Variants in SNCG observed in about 807,000 individuals in gnomAD.
SNCG encodes the protein synuclein gamma, also known as gamma-synuclein.
SNCG carries 13 observed loss-of-function variants against 16.0 expected under a neutral mutation model. The observed-to-expected ratio is 0.81, with a 90% CI of 0.53 to 1.29. SNCG has a LOEUF of 1.29. SNCG is among the 50% of genes most tolerant of loss of function. SNCG has a pLI of 0.00. For synonymous variants in SNCG, 66 were observed against 66.3 expected (o/e 1.00, Z 0.02); for missense variants, 154 against 168.5 (o/e 0.91, Z 0.48).
At chr10:86,956,057 G>A (rs981611721), upstream of SNCG, among the ~76,000 whole-genome samples, 1 of 152,042 alleles carries the variant, frequency 6.6e-6, no homozygotes, top group Non-Finnish European at 1.5e-5. Flanking sequence ...TTCATCAAAA[G>A]GCGGAAGGTG....
chr10:86,959,225 TG>T lies in SNCG; in HGVS notation c.122-403del. On this transcript the variant is annotated intron_variant, in intron 1 of 4. Transcript: ENST00000372017. The surrounding 1 kb of genome is among the most constrained non-coding windows in gnomAD (Gnocchi z 4.3). ...CCCTCCCCAGAGAGAAGGGGCAGGC[TG>T]GGGGATGAAACCTAGGCTCAGTGTT... 2.9e-6 allele frequency: 1 copy of T among 347,354 alleles called. No homozygotes were observed. Among genetic ancestry groups the T allele is most frequent in the Non-Finnish European group, 5.2e-6 (1 of 190,578 alleles). 21.5% of individuals were successfully genotyped at this position (347,354 alleles called of 1,614,324 possible).
At chr10:86,956,282 C>G (rs1030780276), upstream of SNCG, among the ~76,000 whole-genome samples, 1 of 152,130 alleles carries the variant, frequency 6.6e-6, no homozygotes. Flanking sequence ...TGCCACCAGA[C>G]CCTCACTAAG....
In SNCG at chr10:86,962,610, T is replaced by C. The variant is rs935000032; in HGVS notation, c.298T>C (p.Leu100=). 9.9e-6 allele frequency: 16 copies of C among 1,611,802 alleles called. No individual in the cohort carries two copies. In the Admixed American group the frequency reaches 2.0e-4, roughly 20 times the overall value. The change falls in exon 4 of 5, where the codon TTG becomes CTG. Residue 100 remains leucine (L), a synonymous_variant. Coordinates refer to ENST00000372017, the MANE Select transcript of SNCG (RefSeq NM_003087.3). ...VTSGVVRKED[L]RPSAPQQEGE... The stretch of plus-strand genomic sequence containing the variant: ...CCCCTTTTGTCCCCTACAGGAGGAC[T>C]TGAGGCCATCTGCCCCCCAACAGGA...
At chr10:86,957,404 CT>C (rs756311269), upstream of SNCG, 3 of 1,613,584 alleles carry the variant, frequency 1.9e-6, no homozygotes, top group Admixed American at 3.3e-5. Flanking sequence ...TGCCGGTGTC[CT>C]CAGCCTCTGC....
chr10:86,960,158 C>T, intron 3 of SNCG, 30 bp downstream of exon 3: 1 of 1,593,450 alleles, frequency 6.3e-7, no homozygotes, highest in Admixed American at 1.7e-5. Flanking sequence ...CCTGCCCAGT[C>T]CTCTCCTGGG....
intron 3 of SNCG, among the ~76,000 whole-genome samples, chr10:86,960,737 G>T (rs368121278): frequency 6.6e-6 from 1 of 152,254 alleles, no homozygotes; most frequent in Non-Finnish European, 1.5e-5. Context: ...GTACACATGC[G>T]TGTGCGGCCC....
rs142957751 is a variant in SNCG at position 86,960,001 on chromosome 10, T to C, written c.164T>C (p.Val55Ala). The C allele has an allele frequency of 1.4e-3, 2,166 of 1,594,126 alleles. 4 individuals carry two copies. Among genetic ancestry groups the C allele is most frequent in the Non-Finnish European group, 1.7e-3 (2,034 of 1,171,244 alleles). Residue 55 changes from valine to alanine, a missense_variant and splice_region_variant, in exon 3 of 5, where the codon GTG (valine) becomes GCG (alanine). Physicochemically the swap from Val to Ala is moderately conservative, Grantham distance 64. Coordinates refer to ENST00000372017, the MANE Select transcript of SNCG (RefSeq NM_003087.3). ...GAGGCCAGCCAGTGTCCTCCCATAG[T>C]GGCCGAGAAGACCAAGGAGCAGGCC... ...KENVVQSVTSVAEKTKEQANA... is the reference protein window; with the variant it reads ...KENVVQSVTSAAEKTKEQANA...
upstream of SNCG, chr10:86,957,968 C>T (rs925617405): frequency 3.9e-6 from 4 of 1,023,966 alleles, no homozygotes; most frequent in African/African-American, 5.2e-5. Context: ...ATTCATGCCT[C>T]CTCAGCACCT....
chr10:86,960,676 T>C (rs184823543), intron 3 of SNCG, among the ~76,000 whole-genome samples: 3 of 152,226 alleles, frequency 2.0e-5, no homozygotes, highest in African/African-American at 7.2e-5. Flanking sequence ...GTGTGTTGAG[T>C]GAGCATGTGG....
intron 3 of SNCG, among the ~76,000 whole-genome samples, chr10:86,960,547 G>GCCT (rs1297299145): frequency 2.6e-5 from 4 of 152,112 alleles, no homozygotes; most frequent in African/African-American, 9.7e-5. Flanking sequence ...TCCCTCCCTG[G>GCCT]GCTGGGCGGG....
rs1291440010 is a variant in SNCG, at chr10:86,958,674, G to A, written c.-24G>A. 9 of 1,613,574 alleles carry A rather than the reference G, an allele frequency of 5.6e-6. No individual in the cohort carries two copies. Among genetic ancestry groups the A allele is most frequent in the Non-Finnish European group, 7.6e-6 (9 of 1,179,886 alleles). ...GAGATCCAGCTCCGTCCTGCCTGCA[G>A]CAGCACAACCCTGCACACCCACCAT... On this transcript the variant is annotated 5_prime_UTR_variant, in exon 1 of 5. Transcript: ENST00000372017.
rs1231872376 is a variant in SNCG at position 86,959,835 on chromosome 10, T to C, written c.163+161T>C. ...ATGAGGCTAAACTAGGGTGGGCGTC[T>C]CCTTACCCCCACCAGCATCAGAGGT... On this transcript the variant is annotated intron_variant, in intron 2 of 4. Transcript: ENST00000372017. The surrounding 1 kb of genome is among the most constrained non-coding windows in gnomAD (Gnocchi z 4.3). The C allele has an allele frequency of 3.1e-6, 4 of 1,288,908 alleles. No individual in the cohort carries two copies. The Admixed American group carries it at 7.5e-5, about 24-fold the overall frequency. 79.8% of individuals were successfully genotyped at this position (1,288,908 alleles called of 1,614,324 possible).
chr10:86,958,570 T>C (rs945385511), upstream of SNCG: 20 of 1,263,904 alleles, frequency 1.6e-5, no homozygotes, highest in Admixed American at 5.0e-5. Context: ...CGCATCAATA[T>C]TTCATCGGCG....
Position 86,959,367 on chromosome 10 carries a change from G to T in SNCG, c.122-266G>T. The T allele has an allele frequency of 1.8e-6, 1 of 565,300 alleles. No homozygotes were observed. The highest frequency in any genetic ancestry group is 3.1e-6 in the Non-Finnish European group (1 of 319,534). The allele number at this position is 565,300 out of a possible 1,614,324, so 35.0% of individuals were successfully genotyped here. On this transcript the variant is annotated intron_variant, in intron 1 of 4. Coordinates refer to ENST00000372017, the MANE Select transcript of SNCG (RefSeq NM_003087.3). This position sits in a 1 kb window ranked among gnomAD's most constrained non-coding sequence, Gnocchi z 4.3. ...GCTTCTGAGGCCCGGCCACACCCGGGCAGGGGCTGGACCCTGGGTCTAGCC... is the reference window on the plus strand; with the variant it reads ...GCTTCTGAGGCCCGGCCACACCCGGTCAGGGGCTGGACCCTGGGTCTAGCC...
In SNCG at chr10:86,959,525, T is replaced by A; in HGVS notation, c.122-108T>A. ...GCCGCCGGCCCCCAGACACCATCCT[T>A]ACCCCCCCACCGACCCCACAGTTTG... On this transcript the variant is annotated intron_variant, in intron 1 of 4. Transcript: ENST00000372017. The surrounding 1 kb of genome is among the most constrained non-coding windows in gnomAD (Gnocchi z 4.3). 2.1e-6 allele frequency: 2 copies of A among 950,188 alleles called. No homozygotes were observed. The highest frequency in any genetic ancestry group is 4.0e-5 in the Admixed American group (2 of 50,176). The allele number at this position is 950,188 out of a possible 1,614,324, so 58.9% of individuals were successfully genotyped here.
chr10:86,962,546 G>A, intron 3 of SNCG, 58 bp from the exon 4 acceptor site: 1 of 1,322,334 alleles, frequency 7.6e-7, no homozygotes, highest in Non-Finnish European at 1.1e-6. Flanking sequence ...TGGTTGCAGG[G>A]CAGCTAGGGG....
Position 86,962,686 on chromosome 10 carries a change from G to C in SNCG, c.363+11G>C. The stretch of plus-strand genomic sequence containing the variant: ...GAAGTGGCAGAGGAGGTAGGAGCTG[G>C]GCTCCTGGGGTGCACCATGGGGGGT... On this transcript the variant is annotated intron_variant, in intron 4 of 4. Transcript: ENST00000372017. 2 of 1,599,706 alleles carry C rather than the reference G, an allele frequency of 1.3e-6. No homozygotes were observed. Among genetic ancestry groups the C allele is most frequent in the Non-Finnish European group, 1.7e-6 (2 of 1,168,980 alleles).
At chr10:86,957,731 A>T, upstream of SNCG, 1 of 1,349,536 alleles carries the variant, frequency 7.4e-7, no homozygotes. Context: ...CTGGCCCCAC[A>T]GGGGCCGCCA....
In SNCG at chr10:86,959,333, C is replaced by T; in HGVS notation, c.122-300C>T. The T allele has an allele frequency of 1.8e-6, 1 of 547,210 alleles. No individual in the cohort carries two copies. The highest frequency in any genetic ancestry group is 3.2e-6 in the Non-Finnish European group (1 of 308,340). The allele number at this position is 547,210 out of a possible 1,614,324, so 33.9% of individuals were successfully genotyped here. ...ATGACTCAGCTCTGGCCCATCCTGT[C>T]CTGTTGCTGCTTCTGAGGCCCGGCC... On this transcript the variant is annotated intron_variant, in intron 1 of 4. Transcript: ENST00000372017. This position sits in a 1 kb window ranked among gnomAD's most constrained non-coding sequence, Gnocchi z 4.3.
Sources: allele counts gnomAD v4.1 joint callset (sites outside exome capture counted in the v4.1 genomes callset), GRCh38; gene constraint gnomAD v4.1.1; non-coding constraint Gnocchi (gnomAD v3.1); transcripts MANE v1.5; gene names NCBI Gene and HGNC (gene_info 2026-07-23, HGNC 2026-07-21).